LMO7: variants seen among roughly 807,000 people sequenced by gnomAD.
LMO7 encodes LIM domain only protein 7.
A neutral mutation model predicts 206.5 loss-of-function variants in LMO7; 120 were observed. The ratio of observed to expected loss-of-function variants is 0.58; its 90% CI spans 0.50 to 0.68. The LOEUF is 0.68. Ranked by LOEUF, LMO7 falls within the 30% of genes least tolerant of loss-of-function variation. The pLI is 0.00. For synonymous variants in LMO7, 706 were observed against 681.5 expected (o/e 1.04, Z -0.56); for missense variants, 1,959 against 1,957.9 (o/e 1.00, Z -0.01).
At chr13:75,725,200 T>C (rs1050533872) in intron 2 of LMO7, among the ~76,000 whole-genome samples, 6 of 152,086 alleles carry the variant, frequency 3.9e-5, no homozygotes, top group African/African-American at 1.4e-4. Context: ...AAAAATGGTA[T>C]GTGATATAAA....
Position 75,832,901 on chromosome 13 carries a change from C to T in LMO7, c.2950-150C>T. 5 of 517,602 alleles carry T rather than the reference C, an allele frequency of 9.7e-6. 1 individual carries two copies. The South Asian group carries it at 1.8e-4, about 18-fold the overall frequency. 32.1% of individuals were successfully genotyped at this position (517,602 alleles called of 1,614,324 possible). On this transcript the variant is annotated intron_variant, in intron 15 of 30. Coordinates refer to ENST00000377534, the MANE Select transcript of LMO7 (RefSeq NM_001306080.2). ...GCTATTTATATAAATGAAAGTTTTACCAACCTAAGGAAGAAAGAATGAAGC... is the reference window on the plus strand; with the variant it reads ...GCTATTTATATAAATGAAAGTTTTATCAACCTAAGGAAGAAAGAATGAAGC...
intron 17 of LMO7, 82 bp from the exon 18 acceptor site, chr13:75,835,151 G>C: frequency 6.3e-7 from 1 of 1,575,340 alleles, no homozygotes; most frequent in Non-Finnish European, 8.6e-7. Context: ...GTGCCAATCA[G>C]ACTGGGGCAA....
intron 1 of LMO7, among the ~76,000 whole-genome samples, chr13:75,691,906 G>A (rs1445389848): frequency 6.6e-6 from 1 of 152,040 alleles, no homozygotes; most frequent in Non-Finnish European, 1.5e-5. Flanking sequence ...GACCTGGAGG[G>A]CCTGCTGAGT....
intron 1 of LMO7, among the ~76,000 whole-genome samples, chr13:75,688,247 T>C (rs1434661233): frequency 6.6e-6 from 1 of 152,196 alleles, no homozygotes; most frequent in Non-Finnish European, 1.5e-5. Context: ...TCAATGGCTA[T>C]GCTGAACCCA....
chr13:75,833,246 T>C, intron 16 of LMO7, 81 bp downstream of exon 16: 2 of 846,548 alleles, frequency 2.4e-6, no homozygotes, highest in South Asian at 1.4e-5. Flanking sequence ...CAGAAATTAG[T>C]GTATTTGATA....
chr13:75,655,581 A>G (rs2037981610), intron 1 of LMO7, among the ~76,000 whole-genome samples: 1 of 148,616 alleles, frequency 6.7e-6, no homozygotes, highest in African/African-American at 2.5e-5. Flanking sequence ...TGAGGTCTCT[A>G]ATGTTGGTAG....
At chr13:75,649,738 A>G (rs1259636795) in intron 1 of LMO7, among the ~76,000 whole-genome samples, 1 of 152,224 alleles carries the variant, frequency 6.6e-6, no homozygotes, top group Non-Finnish European at 1.5e-5. Context: ...TCTTGGATAC[A>G]TATTAGAGGT....
chr13:75,801,918 T>G (rs2054787693), intron 7 of LMO7, among the ~76,000 whole-genome samples: 1 of 152,096 alleles, frequency 6.6e-6, no homozygotes, highest in Non-Finnish European at 1.5e-5. Context: ...TCCACCATGA[T>G]GTTTTACTAT....
chr13:75,667,783 G>A (rs969975034), intron 1 of LMO7, among the ~76,000 whole-genome samples: 1 of 152,094 alleles, frequency 6.6e-6, no homozygotes, highest in African/African-American at 2.4e-5. Flanking sequence ...TTTCTCCTGG[G>A]AAGTGGCCAC....
At chr13:75,691,940 C>T (rs569216199) in intron 1 of LMO7, among the ~76,000 whole-genome samples, 20 of 152,236 alleles carry the variant, frequency 1.3e-4, no homozygotes, top group African/African-American at 3.9e-4. Flanking sequence ...AATTCCATGA[C>T]CTCCATTTCT....
chr13:75,842,518 A>G (rs942645797), intron 24 of LMO7, among the ~76,000 whole-genome samples: 16 of 152,106 alleles, frequency 1.1e-4, no homozygotes, highest in African/African-American at 3.9e-4. Context: ...TTATTTGTTT[A>G]TCTGTTAGCC....
rs751236212 is a variant in LMO7 at position 75,636,641 on chromosome 13, C to T, written c.-17C>T. On this transcript the variant is annotated 5_prime_UTR_variant, in exon 1 of 31. Coordinates refer to ENST00000377534, the MANE Select transcript of LMO7 (RefSeq NM_001306080.2). ...TCCACGCATCCCGAGTCTCTCTCTC[C>T]CTCCCTTGTCCTAGCCATGGAAGGG... 4 of 1,582,884 alleles carry T rather than the reference C, an allele frequency of 2.5e-6. No individual in the cohort carries two copies. The highest frequency in any genetic ancestry group is 3.4e-6 in the Non-Finnish European group (4 of 1,164,706).
In LMO7 at chr13:75,796,208, G is replaced by A. The variant is rs551665133; in HGVS notation, c.349-428G>A. On this transcript the variant is annotated intron_variant, in intron 5 of 30. Transcript: ENST00000377534. ...TGTCTTACAATATTTTATGGAAATT[G>A]CAAGAATATCTAAAAATGTTGCAGC... Among the ~76,000 whole-genome samples the A allele has an allele frequency of 1.1e-4, 16 of 152,272 alleles. No homozygotes were observed. In the South Asian group the frequency reaches 3.3e-3, roughly 32 times the overall value.
At chr13:75,694,369 G>A (rs889587111) in intron 1 of LMO7, among the ~76,000 whole-genome samples, 1 of 152,304 alleles carries the variant, frequency 6.6e-6, no homozygotes, top group East Asian at 1.9e-4. Context: ...ATGAAGGGGC[G>A]AAGGGGCTCG....
At chr13:75,748,153 A>G (rs2047001743) in intron 3 of LMO7, among the ~76,000 whole-genome samples, 1 of 152,212 alleles carries the variant, frequency 6.6e-6, no homozygotes, top group Non-Finnish European at 1.5e-5. Flanking sequence ...TAAAAGGTGT[A>G]GCAGAAGGAA....
intron 4 of LMO7, among the ~76,000 whole-genome samples, chr13:75,776,094 G>GATATATAT (rs58885943): frequency 1.9e-5 from 2 of 103,594 alleles, no homozygotes; most frequent in African/African-American, 6.9e-5. Flanking sequence ...AAATGTTGTG[G>GATATATAT]ATATATATAT....
At chr13:75,753,265 G>A (rs962579399) in intron 3 of LMO7, among the ~76,000 whole-genome samples, 1 of 152,152 alleles carries the variant, frequency 6.6e-6, no homozygotes, top group African/African-American at 2.4e-5. Context: ...TTTTTAATGG[G>A]TTTAGTTGGA....
chr13:75,713,332 C>G, intron 2 of LMO7, 80 bp downstream of exon 2: 1 of 928,970 alleles, frequency 1.1e-6, no homozygotes, highest in Admixed American at 2.3e-5. Context: ...TTGGCTCCTC[C>G]CATGGCCACC....
intron 1 of LMO7, among the ~76,000 whole-genome samples, chr13:75,651,518 C>A (rs943579928): frequency 1.3e-5 from 2 of 152,118 alleles, no homozygotes. Flanking sequence ...CTTTGTTGAC[C>A]AGCCTGGTCT....
Sources: gnomAD v4.1 joint callset for allele counts (sites outside exome capture counted in the v4.1 genomes callset) on GRCh38, gnomAD v4.1.1 for gene constraint, MANE v1.5 for transcripts, NCBI Gene and HGNC (gene_info 2026-07-23, HGNC 2026-07-21) for gene names.